Variants in PKNOX2 observed in about 807,000 individuals in gnomAD.
PKNOX2 encodes the protein homeobox protein PKNOX2.
PKNOX2 carries 14 observed loss-of-function variants against 53.1 expected under a neutral mutation model. The ratio of observed to expected loss-of-function variants is 0.26; its 90% CI spans 0.17 to 0.41. The LOEUF is 0.41. PKNOX2 is among the 10% of genes least tolerant of loss of function. The pLI is 1.00. For missense variants in PKNOX2, 496 were observed against 602.8 expected (o/e 0.82, Z 1.85); for synonymous variants, 257 against 242.8 (o/e 1.06, Z -0.54).
chr11:125,395,213 C>T (rs922188517), intron 6 of PKNOX2, among the ~76,000 whole-genome samples: 7 of 152,092 alleles, frequency 4.6e-5, no homozygotes, highest in Admixed American at 3.9e-4. Context: ...AGGAAAATTC[C>T]CTTGCAATCT....
chr11:125,281,931 A>G (rs972903725), intron 2 of PKNOX2, among the ~76,000 whole-genome samples: 13 of 152,212 alleles, frequency 8.5e-5, no homozygotes, highest in Non-Finnish European at 1.8e-4. Context: ...AAGACCTAGG[A>G]AAAAAGACCA....
At chr11:125,221,540 A>G (rs1802040236) in intron 1 of PKNOX2, among the ~76,000 whole-genome samples, 1 of 152,180 alleles carries the variant, frequency 6.6e-6, no homozygotes, top group South Asian at 2.1e-4. Context: ...TTGGAGGCGT[A>G]TAAGTCAGTA....
intron 1 of PKNOX2, among the ~76,000 whole-genome samples, chr11:125,186,281 T>C (rs1956443872): frequency 6.6e-6 from 1 of 152,244 alleles, no homozygotes; most frequent in Admixed American, 6.5e-5. Context: ...CGTTATATAT[T>C]CTGGATATTA....
At chr11:125,421,649 G>A (rs548047903) in intron 10 of PKNOX2, among the ~76,000 whole-genome samples, 41 of 152,364 alleles carry the variant, frequency 2.7e-4, no homozygotes, top group African/African-American at 9.6e-4. Flanking sequence ...GGGTGGCCAC[G>A]TGTTCAGCAG....
intron 4 of PKNOX2, among the ~76,000 whole-genome samples, chr11:125,359,094 T>TGG (rs1477654871): frequency 0.026 from 3,809 of 146,698 alleles, 269 homozygotes; most frequent in African/African-American, 0.098. Flanking sequence ...GGCAGGAAGG[T>TGG]AGACACCATC....
At chr11:125,369,858 C>T (rs992195429) in intron 5 of PKNOX2, among the ~76,000 whole-genome samples, 1 of 152,192 alleles carries the variant, frequency 6.6e-6, no homozygotes, top group African/African-American at 2.4e-5. Flanking sequence ...ATGACATATG[C>T]TTGTCATACT....
At chr11:125,279,031 C>T (rs1363158861) in intron 2 of PKNOX2, among the ~76,000 whole-genome samples, 3 of 152,210 alleles carry the variant, frequency 2.0e-5, no homozygotes, top group African/African-American at 7.2e-5. Flanking sequence ...CTCGTGGTCA[C>T]CATGTTTGCC....
chr11:125,346,373 G>C (rs1054223224), intron 3 of PKNOX2, among the ~76,000 whole-genome samples: 2 of 152,206 alleles, frequency 1.3e-5, no homozygotes, highest in Non-Finnish European at 2.9e-5. Context: ...CATGTGTGCA[G>C]TGCAAATCCT....
intron 1 of PKNOX2, among the ~76,000 whole-genome samples, chr11:125,208,257 G>A (rs1234072327): frequency 6.6e-6 from 1 of 152,046 alleles, no homozygotes; most frequent in Non-Finnish European, 1.5e-5. Flanking sequence ...CATAGTCATG[G>A]GACCTGAAAT....
chr11:125,248,786 G>A (rs978711999), intron 2 of PKNOX2, among the ~76,000 whole-genome samples: 1 of 147,138 alleles, frequency 6.8e-6, no homozygotes, highest in East Asian at 2.0e-4. Flanking sequence ...TGTCCTATAT[G>A]ATGGGTCTCA....
At position 125,431,292 on chromosome 11, in the gene PKNOX2, T is replaced by C; in HGVS notation, c.1319T>C (p.Met440Thr). Residue 440 changes from methionine (M) to threonine (T), a missense_variant, in exon 13 of 13, where the codon ATG becomes ACG. Coordinates refer to ENST00000298282, the MANE Select transcript of PKNOX2 (RefSeq NM_001382323.2). ...DGTEEEDEDE[M>T]EEEEEEELEE... Reference sequence around the variant, plus strand: ...ACAGAAGAAGAGGATGAGGATGAGATGGAAGAGGAGGAGGAGGAGGAGCTG... The same window carrying C: ...ACAGAAGAAGAGGATGAGGATGAGACGGAAGAGGAGGAGGAGGAGGAGCTG... 6.2e-7 allele frequency: 1 copy of C among 1,611,586 alleles called. No individual in the cohort carries two copies. The highest frequency in any genetic ancestry group is 8.5e-7 in the Non-Finnish European group (1 of 1,179,050).
intron 6 of PKNOX2, among the ~76,000 whole-genome samples, chr11:125,389,233 A>G (rs559810005): frequency 6.7e-6 from 1 of 149,442 alleles, no homozygotes; most frequent in East Asian, 2.0e-4. Context: ...CCCTAGGGAG[A>G]AGCACGCCCT....
intron 2 of PKNOX2, among the ~76,000 whole-genome samples, chr11:125,300,601 CAGAA>C (rs937941188): frequency 4.6e-5 from 7 of 151,572 alleles, no homozygotes; most frequent in African/African-American, 1.7e-4. Flanking sequence ...CAGAGAGAGA[CAGAA>C]AGAGAGAGAC....
At chr11:125,357,548 A>G (rs1320428442) in intron 4 of PKNOX2, among the ~76,000 whole-genome samples, 1 of 152,234 alleles carries the variant, frequency 6.6e-6, no homozygotes, top group Non-Finnish European at 1.5e-5. Flanking sequence ...GCCCTGGGAT[A>G]CAAAGCCTAA....
intron 1 of PKNOX2, among the ~76,000 whole-genome samples, chr11:125,222,597 GTGTGTGTCTGTGTGTATGTGTGTGTA>G (rs903743150): frequency 7.0e-6 from 1 of 142,714 alleles, no homozygotes; most frequent in South Asian, 2.2e-4. Context: ...GTGTGTGTGT[GTGTGTGTCTGTGTGTATGTGTGTGTA>G]TGTGTGTGTG....
intron 2 of PKNOX2, among the ~76,000 whole-genome samples, chr11:125,272,344 C>G (rs1227696872): frequency 1.3e-5 from 2 of 152,196 alleles, no homozygotes; most frequent in Admixed American, 6.5e-5. Context: ...AAGCTCTTTA[C>G]CAATTGCTAA....
intron 2 of PKNOX2, among the ~76,000 whole-genome samples, chr11:125,236,205 C>T (rs1019308776): frequency 2.6e-5 from 4 of 152,198 alleles, no homozygotes; most frequent in African/African-American, 9.6e-5. Flanking sequence ...AGCAGGGCGC[C>T]GGCCCTCCCG....
chr11:125,418,605 G>C (rs982227002), intron 10 of PKNOX2, among the ~76,000 whole-genome samples: 1 of 152,004 alleles, frequency 6.6e-6, no homozygotes, highest in Non-Finnish European at 1.5e-5. Context: ...AGCCCAGCCA[G>C]TTGCCTCTGT....
chr11:125,397,119 C>T (rs745836197), intron 6 of PKNOX2, among the ~76,000 whole-genome samples: 3 of 152,024 alleles, frequency 2.0e-5, no homozygotes, highest in South Asian at 2.1e-4. Flanking sequence ...CTTCTTGCCA[C>T]GAAAAGGTTA....
Sources: gnomAD v4.1 joint callset for allele counts (sites outside exome capture counted in the v4.1 genomes callset) on GRCh38, gnomAD v4.1.1 for gene constraint, MANE v1.5 for transcripts, NCBI Gene and HGNC (gene_info 2026-07-23, HGNC 2026-07-21) for gene names.